NRG3: variants seen among roughly 807,000 people sequenced by gnomAD.
The protein encoded by NRG3 is pro-neuregulin-3, membrane-bound isoform.
In NRG3, 31 loss-of-function variants were observed where a neutral mutation model predicts 66.9. That is an observed-to-expected ratio of 0.46 (90% CI 0.35 to 0.63). The LOEUF (loss-of-function observed/expected upper bound fraction) is 0.63. NRG3 is among the 20% of genes least tolerant of loss of function. The probability of loss-of-function intolerance (pLI) is 0.00; values close to 1 mark genes in which losing one functional copy is unlikely to be tolerated. For missense variants in NRG3, 910 were observed against 878.9 expected (o/e 1.04, Z -0.45); for synonymous variants, 393 against 359.4 (o/e 1.09, Z -1.06).
rs543480311 is a variant in NRG3 at position 82,494,821 on chromosome 10, T to C, written c.953+135953T>C. On this transcript the variant is annotated intron_variant, in intron 2 of 8. Transcript: ENST00000372141. ...ACCATTTTCTGAGACAGAAATTGTA[T>C]GAGCAGTTTTTTTGCGTGATTGAAA... Among the ~76,000 whole-genome samples the C allele has an allele frequency of 2.8e-3, 431 of 152,304 alleles. 3 individuals are homozygous for C. Among genetic ancestry groups the C allele is most frequent in the African/African-American group, 9.6e-3 (401 of 41,576 alleles).
chr10:82,144,035 A>G (rs1437524872), intron 1 of NRG3, among the ~76,000 whole-genome samples: 2 of 151,142 alleles, frequency 1.3e-5, no homozygotes, highest in Admixed American at 1.3e-4. Flanking sequence ...GTCTTAAAAA[A>G]AAAAAAAAGA....
At chr10:82,244,702 G>A (rs1322854291) in intron 1 of NRG3, among the ~76,000 whole-genome samples, 1 of 152,010 alleles carries the variant, frequency 6.6e-6, no homozygotes, top group Non-Finnish European at 1.5e-5. Context: ...GCGGGGGATG[G>A]TTTCGGGATA....
At chr10:82,415,330 G>A (rs1665621074) in intron 2 of NRG3, among the ~76,000 whole-genome samples, 1 of 152,090 alleles carries the variant, frequency 6.6e-6, no homozygotes. Flanking sequence ...GTGTTTCAAG[G>A]GCTTTCCTGT....
chr10:82,747,332 G>C (rs1446384251), intron 3 of NRG3, among the ~76,000 whole-genome samples: 1 of 151,890 alleles, frequency 6.6e-6, no homozygotes, highest in Non-Finnish European at 1.5e-5. Flanking sequence ...CCTGCTTACA[G>C]TGATTAACAA....
chr10:81,909,713 T>C (rs1235554454), intron 1 of NRG3, among the ~76,000 whole-genome samples: 10 of 152,184 alleles, frequency 6.6e-5, no homozygotes, highest in Non-Finnish European at 5.9e-5. Flanking sequence ...CCGAGGCAGA[T>C]GTTTCCGTCT....
chr10:82,702,958 G>C (rs2056004272), intron 2 of NRG3, among the ~76,000 whole-genome samples: 1 of 136,114 alleles, frequency 7.3e-6, no homozygotes. Context: ...AGACTCCACT[G>C]TTTCTGCCAT....
intron 1 of NRG3, among the ~76,000 whole-genome samples, chr10:81,966,642 A>G (rs926134983): frequency 6.6e-6 from 1 of 152,104 alleles, no homozygotes; most frequent in East Asian, 1.9e-4. Context: ...ATTTCCTAAT[A>G]TAAGAATGAT....
intron 2 of NRG3, among the ~76,000 whole-genome samples, chr10:82,702,760 A>G (rs547110458): frequency 6.6e-5 from 10 of 152,184 alleles, no homozygotes; most frequent in African/African-American, 2.2e-4. Context: ...TGAGTGATCC[A>G]GATGTACTGA....
At chr10:82,162,294 A>G (rs2071659443) in intron 1 of NRG3, among the ~76,000 whole-genome samples, 1 of 152,160 alleles carries the variant, frequency 6.6e-6, no homozygotes, top group Non-Finnish European at 1.5e-5. Flanking sequence ...TTAAATTTAT[A>G]CATAAAAGTG....
chr10:82,063,303 A>T (rs2064264986), intron 1 of NRG3, among the ~76,000 whole-genome samples: 1 of 119,312 alleles, frequency 8.4e-6, no homozygotes. Flanking sequence ...TTTATTTTAT[A>T]CCAAGACGCA....
At chr10:82,601,119 T>C (rs779715526) in intron 2 of NRG3, among the ~76,000 whole-genome samples, 26 of 152,198 alleles carry the variant, frequency 1.7e-4, no homozygotes, top group Non-Finnish European at 3.5e-4. Flanking sequence ...GCAAAAGATA[T>C]GATTTTATTC....
intron 2 of NRG3, among the ~76,000 whole-genome samples, chr10:82,696,438 G>A (rs1303245542): frequency 1.3e-5 from 2 of 152,044 alleles, no homozygotes; most frequent in Non-Finnish European, 2.9e-5. Context: ...TAGGAAATAG[G>A]ACAAGAGTGA....
chr10:82,880,741 A>ATT (rs1178706477), intron 4 of NRG3, among the ~76,000 whole-genome samples: 10 of 152,232 alleles, frequency 6.6e-5, no homozygotes, highest in Non-Finnish European at 4.4e-5. Context: ...CACCCACATA[A>ATT]ATTTAAATTT....
intron 2 of NRG3, among the ~76,000 whole-genome samples, chr10:82,525,056 C>T (rs1337303234): frequency 6.6e-6 from 1 of 151,796 alleles, no homozygotes; most frequent in Non-Finnish European, 1.5e-5. Context: ...CAAACATAGA[C>T]AATTAAGGCA....
intron 1 of NRG3, among the ~76,000 whole-genome samples, chr10:82,268,403 A>G (rs923545616): frequency 1.1e-4 from 16 of 152,044 alleles, no homozygotes; most frequent in African/African-American, 3.6e-4. Flanking sequence ...TGCATCAAAA[A>G]CAGTTTTTCT....
Position 82,984,888 on chromosome 10 carries a change from A to G in NRG3, c.1584-210A>G, listed in dbSNP as rs571076023. 1.6e-5 allele frequency: 22 copies of G among 1,387,544 alleles called. 1 individual carries two copies. The East Asian group carries it at 4.9e-4, about 31-fold the overall frequency. The allele number at this position is 1,387,544 out of a possible 1,614,324, so 86.0% of individuals were successfully genotyped here. A position where few individuals can be genotyped will look rare whatever the true frequency, so the allele number is the denominator to read the frequency against. On this transcript the variant is annotated intron_variant, in intron 8 of 8. Transcript: ENST00000372141. ...ATCTGGGTTTGAGTCTCAGTCTGTC[A>G]CTTATTTTCTGTGTGACCTTGGGCA...
chr10:82,731,139 G>T (rs2057879473), intron 2 of NRG3, among the ~76,000 whole-genome samples: 1 of 152,108 alleles, frequency 6.6e-6, no homozygotes, highest in South Asian at 2.1e-4. Flanking sequence ...GGCTGAGGCA[G>T]GCGGATAACT....
chr10:82,202,930 G>A (rs576333627), intron 1 of NRG3, among the ~76,000 whole-genome samples: 42 of 152,312 alleles, frequency 2.8e-4, no homozygotes, highest in African/African-American at 9.9e-4. Context: ...AAGCACATTT[G>A]TGGACAACAA....
chr10:82,317,859 T>C (rs983161263), intron 1 of NRG3, among the ~76,000 whole-genome samples: 3 of 152,172 alleles, frequency 2.0e-5, no homozygotes, highest in African/African-American at 7.2e-5. Context: ...GGGCAGGATA[T>C]TGAGAAGTAG....
Sources: allele counts gnomAD v4.1 joint callset (sites outside exome capture counted in the v4.1 genomes callset), GRCh38; gene constraint gnomAD v4.1.1; transcripts MANE v1.5; gene names NCBI Gene and HGNC (gene_info 2026-07-23, HGNC 2026-07-21).